PKNOX2: variants seen among roughly 807,000 people sequenced by gnomAD.
PKNOX2 encodes the protein PBX/knotted 1 homeobox 2, also known as homeobox protein PKNOX2.
PKNOX2 carries 14 observed loss-of-function variants against 53.1 expected under a neutral mutation model. The observed-to-expected ratio is 0.26, with a 90% CI of 0.17 to 0.41. The LOEUF (loss-of-function observed/expected upper bound fraction) is 0.41, where lower values mean the gene tolerates loss of function less well. Ranked by LOEUF, PKNOX2 falls within the 10% of genes least tolerant of loss-of-function variation. The pLI is 1.00. For missense variants in PKNOX2, 496 were observed against 602.8 expected (o/e 0.82, Z 1.85); for synonymous variants, 257 against 242.8 (o/e 1.06, Z -0.54).
chr11:125,175,140 C>G (rs1210849752), intron 1 of PKNOX2, among the ~76,000 whole-genome samples: 3 of 151,950 alleles, frequency 2.0e-5, no homozygotes, highest in Admixed American at 6.6e-5. Flanking sequence ...GTAGGGGGAG[C>G]CTCTTTCCAA....
intron 2 of PKNOX2, among the ~76,000 whole-genome samples, chr11:125,280,001 AT>A (rs1165008124): frequency 6.6e-6 from 1 of 150,718 alleles, no homozygotes; most frequent in Non-Finnish European, 1.5e-5. Context: ...AAATATATAT[AT>A]TTTTTCCTTT....
At chr11:125,246,288 C>CAG (rs1943556912) in intron 2 of PKNOX2, among the ~76,000 whole-genome samples, 2 of 152,126 alleles carry the variant, frequency 1.3e-5, no homozygotes. Context: ...AAGAGAGGGC[C>CAG]AGAGAGAGAC....
intron 1 of PKNOX2, among the ~76,000 whole-genome samples, chr11:125,197,196 T>G (rs1193037370): frequency 1.3e-5 from 2 of 152,180 alleles, no homozygotes; most frequent in Non-Finnish European, 2.9e-5. Flanking sequence ...GAGTGATGAC[T>G]CTCATGGATA....
At chr11:125,425,998 C>T (rs1474705340) in intron 10 of PKNOX2, among the ~76,000 whole-genome samples, 2 of 152,326 alleles carry the variant, frequency 1.3e-5, no homozygotes, top group Non-Finnish European at 2.9e-5. Context: ...AAGAGAGCAA[C>T]CAGCCAGTTT....
intron 6 of PKNOX2, among the ~76,000 whole-genome samples, chr11:125,390,938 A>G (rs2135415112): frequency 1.3e-5 from 2 of 152,294 alleles, no homozygotes; most frequent in Middle Eastern, 3.4e-3. Context: ...TTTTTGTTCT[A>G]GTGACCCCAC....
chr11:125,199,495 G>C (rs1470031972), intron 1 of PKNOX2, among the ~76,000 whole-genome samples: 1 of 152,202 alleles, frequency 6.6e-6, no homozygotes, highest in Non-Finnish European at 1.5e-5. Flanking sequence ...AAAGAAAACA[G>C]TGTGGCATAT....
chr11:125,247,319 T>G (rs1309805502), intron 2 of PKNOX2, among the ~76,000 whole-genome samples: 1 of 152,184 alleles, frequency 6.6e-6, no homozygotes, highest in Non-Finnish European at 1.5e-5. Context: ...ACAACATCTG[T>G]GCTGGGCTCA....
chr11:125,423,058 AC>A (rs1956246087), intron 10 of PKNOX2, among the ~76,000 whole-genome samples: 1 of 151,948 alleles, frequency 6.6e-6, no homozygotes, highest in African/African-American at 2.4e-5. Context: ...ACACACACAC[AC>A]ACATATGTAT....
chr11:125,307,083 C>T (rs964848970), intron 2 of PKNOX2, among the ~76,000 whole-genome samples: 3 of 152,140 alleles, frequency 2.0e-5, no homozygotes, highest in African/African-American at 7.2e-5. Flanking sequence ...GTTTCTGTGT[C>T]CCTTGACATA....
chr11:125,254,312 C>T (rs997984402), intron 2 of PKNOX2, among the ~76,000 whole-genome samples: 10 of 152,334 alleles, frequency 6.6e-5, no homozygotes, highest in African/African-American at 1.7e-4. Context: ...TGCAAAGGGG[C>T]GATGGGGTTC....
intron 3 of PKNOX2, among the ~76,000 whole-genome samples, chr11:125,333,797 C>T (rs909523036): frequency 2.0e-5 from 3 of 152,144 alleles, no homozygotes; most frequent in Admixed American, 2.0e-4. Flanking sequence ...CATAATCCAC[C>T]CCCTTTTTAT....
At chr11:125,347,344 C>T (rs752552731) in intron 3 of PKNOX2, among the ~76,000 whole-genome samples, 16 of 152,240 alleles carry the variant, frequency 1.1e-4, no homozygotes, top group Non-Finnish European at 1.6e-4. Flanking sequence ...CCCCCAACCC[C>T]GGCACACTGG....
At chr11:125,330,348 G>T (rs1209109348) in intron 2 of PKNOX2, 1 of 152,294 alleles carries the variant, frequency 6.6e-6, no homozygotes, top group East Asian at 1.9e-4. Context: ...GAAGCCTGGT[G>T]CCAGGAACAA....
chr11:125,226,799 G>A (rs919752387), intron 1 of PKNOX2, among the ~76,000 whole-genome samples: 13 of 141,166 alleles, frequency 9.2e-5, no homozygotes, highest in East Asian at 2.0e-4. Context: ...ATCCTAAATC[G>A]TTGCTCATTT....
At chr11:125,395,281 A>G (rs1954311030) in intron 6 of PKNOX2, among the ~76,000 whole-genome samples, 1 of 152,322 alleles carries the variant, frequency 6.6e-6, no homozygotes, top group African/African-American at 2.4e-5. Context: ...GTTATATTCC[A>G]TGATATGGAT....
chr11:125,204,517 T>G (rs1383283381), intron 1 of PKNOX2, among the ~76,000 whole-genome samples: 1 of 152,198 alleles, frequency 6.6e-6, no homozygotes. Context: ...GCTCCCAATT[T>G]AATCCCATTG....
chr11:125,279,370 C>T (rs1946399187), intron 2 of PKNOX2, among the ~76,000 whole-genome samples: 1 of 152,214 alleles, frequency 6.6e-6, no homozygotes, highest in Non-Finnish European at 1.5e-5. Context: ...TAGCGGGGAA[C>T]ATCAGACTGG....
chr11:125,385,426 T>C lies in PKNOX2; in HGVS notation c.228-125T>C. 2 of 1,103,470 alleles carry C rather than the reference T, an allele frequency of 1.8e-6. 1 individual carries two copies. Among genetic ancestry groups the C allele is most frequent in the Non-Finnish European group, 2.6e-6 (2 of 783,564 alleles). The allele number at this position is 1,103,470 out of a possible 1,614,324, so 68.4% of individuals were successfully genotyped here. A position where few individuals can be genotyped will look rare whatever the true frequency, so the allele number is the denominator to read the frequency against. On this transcript the variant is annotated intron_variant, in intron 5 of 12. Coordinates refer to ENST00000298282, the MANE Select transcript of PKNOX2 (RefSeq NM_001382323.2). ...GATTGACCATAGGGACTGGGGATGT[T>C]ATCAAGGAGTGGGACCTTGGGAGAA...
chr11:125,280,397 G>A (rs894703463), intron 2 of PKNOX2, among the ~76,000 whole-genome samples: 1 of 152,100 alleles, frequency 6.6e-6, no homozygotes, highest in Non-Finnish European at 1.5e-5. Flanking sequence ...TAGGCTGGGG[G>A]AGATGGGAGC....
Sources: gnomAD v4.1 joint callset for allele counts (sites outside exome capture counted in the v4.1 genomes callset) on GRCh38, gnomAD v4.1.1 for gene constraint, MANE v1.5 for transcripts, NCBI Gene and HGNC (gene_info 2026-07-23, HGNC 2026-07-21) for gene names.